Variants in ANK2 observed in about 807,000 individuals in gnomAD.
ANK2 encodes the protein ankyrin 2.
Under a neutral mutation model 360.5 loss-of-function variants are expected in ANK2, and 83 were observed. The observed-to-expected ratio is 0.23, with a 90% CI of 0.19 to 0.28. The LOEUF is 0.28. ANK2 is among the 10% of genes least tolerant of loss of function. ANK2 has a pLI of 1.00. For missense variants in ANK2, 4,201 were observed against 4,795.7 expected, an observed-to-expected ratio of 0.88 and a Z score of 3.66; for synonymous variants, 1,740 against 1,759.5, an observed-to-expected ratio of 0.99 and a Z score of 0.28.
intron 1 of ANK2, among the ~76,000 whole-genome samples, chr4:112,866,793 C>A (rs150512702): frequency 1.4e-4 from 21 of 152,050 alleles, no homozygotes; most frequent in African/African-American, 2.2e-4. Context: ...TGGTCCTGCT[C>A]GGATTCTTTT....
At chr4:112,831,683 G>T (rs2059761900) in intron 1 of ANK2, among the ~76,000 whole-genome samples, 1 of 152,202 alleles carries the variant, frequency 6.6e-6, no homozygotes, top group Non-Finnish European at 1.5e-5. Flanking sequence ...CTTTCATGCT[G>T]TGGAAGCTTT....
intron 1 of ANK2, among the ~76,000 whole-genome samples, chr4:113,080,179 G>C (rs946218901): frequency 2.6e-5 from 4 of 152,148 alleles, no homozygotes; most frequent in African/African-American, 4.8e-5. Context: ...GATTACAGAC[G>C]TCAGTCGCCA....
chr4:113,234,396 G>A (rs1452287650), intron 5 of ANK2, among the ~76,000 whole-genome samples: 1 of 152,068 alleles, frequency 6.6e-6, no homozygotes, highest in African/African-American at 2.4e-5. Flanking sequence ...TTTCATTTTA[G>A]ACAATCATTT....
intron 1 of ANK2, among the ~76,000 whole-genome samples, chr4:113,082,395 T>C (rs987378683): frequency 1.1e-4 from 17 of 152,134 alleles, no homozygotes; most frequent in African/African-American, 3.9e-4. Flanking sequence ...TGCCTCTTCT[T>C]CCCTAAATTT....
chr4:112,916,643 T>C (rs1398568004), intron 2 of ANK2, among the ~76,000 whole-genome samples: 3 of 152,190 alleles, frequency 2.0e-5, no homozygotes, highest in Non-Finnish European at 2.9e-5. Context: ...ATGGCTGGGA[T>C]TGAGTCCCTT....
the ANK2 span, among the ~76,000 whole-genome samples, chr4:112,718,928 CACCCGGTCGCA>C: frequency 1.4e-5 from 1 of 69,120 alleles, no homozygotes; most frequent in Non-Finnish European, 3.2e-5. Context: ...TGAGCCACCG[CACCCGGTCGCA>C]TGAGCCACCG....
chr4:113,046,364 A>T (rs1352442415), upstream of ANK2, among the ~76,000 whole-genome samples: 1 of 152,154 alleles, frequency 6.6e-6, no homozygotes, highest in African/African-American at 2.4e-5. Flanking sequence ...GTAATATTTC[A>T]GAATGACACT....
rs779367457 is a variant in ANK2, at chr4:113,345,910, C to T, written c.4259C>T (p.Thr1420Met). Residue 1420 changes from threonine (T) to methionine (M), a missense_variant, in exon 35 of 46, where the codon ACG becomes ATG. Physicochemically the swap from Thr to Met is moderately conservative, Grantham distance 81. Around this residue, in one of 4 missense-constraint regions of ANK2, gnomAD observed 1,268 missense variants for 1,650.8 expected, o/e 0.77. Coordinates refer to ENST00000357077, the MANE Select transcript of ANK2 (RefSeq NM_001148.6). ...TCTTTCTTGTTCAAGGTACGCGATA[C>T]GACTCAGGAACCTTGCGGACGACTA... ...RLPLFVKVRDTTQEPCGRLSF... is the reference protein window; with the variant it reads ...RLPLFVKVRDMTQEPCGRLSF... 75 of 1,613,184 alleles carry T rather than the reference C, an allele frequency of 4.6e-5. No homozygotes were observed. Among genetic ancestry groups the T allele is most frequent in the Admixed American group, 2.8e-4 (17 of 59,982 alleles).
At chr4:113,350,872 GA>G (rs2095370400) in intron 37 of ANK2, 1 of 151,824 alleles carries the variant, frequency 6.6e-6, no homozygotes, top group African/African-American at 2.4e-5. Flanking sequence ...GAAGAGCCAA[GA>G]ATGCAAAATT....
intron 2 of ANK2, among the ~76,000 whole-genome samples, chr4:113,021,647 T>A (rs1230596903): frequency 6.7e-6 from 1 of 149,570 alleles, no homozygotes; most frequent in Non-Finnish European, 1.5e-5. Context: ...GAGATAACTT[T>A]CTGAAATATA....
chr4:113,258,273 C>T (rs375586514), intron 12 of ANK2, 40 bp from the exon 13 acceptor site: 273 of 1,601,870 alleles, frequency 1.7e-4, no homozygotes, highest in African/African-American at 4.5e-4. Context: ...AAAGCCCCAC[C>T]GGTGCAGAGG....
At chr4:113,001,082 C>G (rs111938640) in intron 2 of ANK2, among the ~76,000 whole-genome samples, 1,858 of 152,078 alleles carry the variant, frequency 0.012, 34 homozygotes, top group African/African-American at 0.042. Context: ...CGCCTGTAAT[C>G]CCAGCTCTTT....
At chr4:112,948,150 G>A (rs1341329586) in intron 2 of ANK2, among the ~76,000 whole-genome samples, 1 of 152,080 alleles carries the variant, frequency 6.6e-6, no homozygotes, top group Non-Finnish European at 1.5e-5. Context: ...TGTAGGTTGT[G>A]GGTAATTTCT....
Position 113,358,619 on chromosome 4 carries a change from A to G in ANK2, c.10001A>G (p.Asp3334Gly), listed in dbSNP as rs976428436. ...TCTGAAGATTTTCTATCCAGTGTAG[A>G]TGAGGAAAATAAGGCGGATGAAGCA... ...SVSEDFLSSV[D>G]EENKADEAKP... The change falls in exon 38 of 46, where the codon GAT (aspartate) becomes GGT (glycine). Residue 3334 changes from aspartate to glycine, a missense_variant. Around this residue, in one of 4 missense-constraint regions of ANK2, gnomAD observed 2,642 missense variants for 2,714.5 expected, o/e 0.97. Transcript: ENST00000357077. 5.0e-6 allele frequency: 8 copies of G among 1,614,072 alleles called. No homozygotes were observed. Among genetic ancestry groups the G allele is most frequent in the South Asian group, 1.1e-5 (1 of 91,080 alleles).
intron 1 of ANK2, among the ~76,000 whole-genome samples, chr4:113,169,437 A>G (rs2097863074): frequency 6.6e-6 from 1 of 152,210 alleles, no homozygotes; most frequent in Admixed American, 6.5e-5. Context: ...AAAAACGCAG[A>G]TCTCAGAGTA....
At chr4:113,078,699 G>C (rs1478805518) in intron 1 of ANK2, among the ~76,000 whole-genome samples, 1 of 152,158 alleles carries the variant, frequency 6.6e-6, no homozygotes, top group Non-Finnish European at 1.5e-5. Context: ...ACCCAAATTT[G>C]AAACCTCCCA....
intron 1 of ANK2, among the ~76,000 whole-genome samples, chr4:113,078,942 G>A (rs2081232186): frequency 6.6e-6 from 1 of 152,070 alleles, no homozygotes; most frequent in African/African-American, 2.4e-5. Context: ...AGAGAATCTT[G>A]GAAGATAGTT....
At chr4:112,915,754 C>CA (rs529167858) in intron 2 of ANK2, among the ~76,000 whole-genome samples, 3,313 of 141,128 alleles carry the variant, frequency 0.023, 129 homozygotes, top group African/African-American at 0.075. Flanking sequence ...GACTCTGTTT[C>CA]AAAAAAAAAA....
At chr4:113,027,357 G>A (rs944783209) in intron 2 of ANK2, among the ~76,000 whole-genome samples, 11 of 152,098 alleles carry the variant, frequency 7.2e-5, no homozygotes, top group Non-Finnish European at 2.9e-5. Context: ...AGCACCTCCA[G>A]ATCCCAGGAA....
Sources: gnomAD v4.1 joint callset for allele counts (sites outside exome capture counted in the v4.1 genomes callset) on GRCh38, gnomAD v4.1.1 for gene constraint, gnomAD v4.1.1 regional missense constraint, MANE v1.5 for transcripts, NCBI Gene and HGNC (gene_info 2026-07-23, HGNC 2026-07-21) for gene names.